KNG1: variants seen among roughly 807,000 people sequenced by gnomAD.
KNG1 encodes kininogen 1, also known as kininogen-1.
Under a neutral mutation model 47.8 loss-of-function variants are expected in KNG1, and 23 were observed. The ratio of observed to expected loss-of-function variants is 0.48; its 90% CI spans 0.35 to 0.68. The LOEUF is 0.68. Among genes scored for constraint, KNG1 ranks in the 30% least tolerant of loss-of-function variants. The probability of loss-of-function intolerance (pLI) is 0.01; values close to 1 mark genes in which losing one functional copy is unlikely to be tolerated. For synonymous variants in KNG1, 277 were observed against 277.0 expected (o/e 1.00, Z 0.00); for missense variants, 762 against 790.2 (o/e 0.96, Z 0.43).
chr3:186,717,786 A>T (rs1316406275), intron 1 of KNG1, 49 bp downstream of exon 1: 1 of 1,381,754 alleles, frequency 7.2e-7, no homozygotes, highest in South Asian at 1.2e-5. Flanking sequence ...TTGTACTATC[A>T]CTAGGAGTCC....
chr3:186,723,986 T>A (rs973158223), intron 3 of KNG1, among the ~76,000 whole-genome samples: 1 of 152,190 alleles, frequency 6.6e-6, no homozygotes, highest in Non-Finnish European at 1.5e-5. Flanking sequence ...CACCTTTTGA[T>A]GGACATTTAA....
Position 186,717,600 on chromosome 3 carries a change from G to A in KNG1, c.58G>A (p.Glu20Lys). 6.2e-7 allele frequency: 1 copy of A among 1,612,878 alleles called. No homozygotes were observed. The highest frequency in any genetic ancestry group is 8.5e-7 in the Non-Finnish European group (1 of 1,179,434). Residue 20 changes from glutamate to lysine, a missense_variant, in exon 1 of 10, where the codon GAA (glutamate) becomes AAA (lysine). Physicochemically the swap from Glu to Lys is moderately conservative, Grantham distance 56. Coordinates refer to ENST00000644859, the MANE Select transcript of KNG1 (RefSeq NM_001102416.3). ...CSRLLLSLTQESQSEEIDCND... is the reference protein window; with the variant it reads ...CSRLLLSLTQKSQSEEIDCND... Reference sequence around the variant, plus strand: ...CAGGCTGCTACTAAGTTTAACCCAGGAATCACAGTCCGAGGAAATTGACTG... The same window carrying A: ...CAGGCTGCTACTAAGTTTAACCCAGAAATCACAGTCCGAGGAAATTGACTG...
chr3:186,721,315 G>C (rs1170018022), intron 2 of KNG1: 2 of 152,408 alleles, frequency 1.3e-5, no homozygotes, highest in Non-Finnish European at 2.9e-5. Context: ...ATAAGTAGCT[G>C]CTGTGCTCTG....
Position 186,720,088 on chromosome 3 carries a change from C to G in KNG1, c.196-17C>G, listed in dbSNP as rs772775436. 6.4e-7 allele frequency: 1 copy of G among 1,554,588 alleles called. No individual in the cohort carries two copies. The highest frequency in any genetic ancestry group is 8.9e-7 in the Non-Finnish European group (1 of 1,125,678). On this transcript the variant is annotated splice_polypyrimidine_tract_variant and intron_variant, in intron 1 of 9. Coordinates refer to ENST00000644859, the MANE Select transcript of KNG1 (RefSeq NM_001102416.3). ...GGTCAGTTGGATGAACCCTAAGTATCTTTGGCTGCTTTTCAGGTTGGCTCT... is the reference window on the plus strand; with the variant it reads ...GGTCAGTTGGATGAACCCTAAGTATGTTTGGCTGCTTTTCAGGTTGGCTCT...
intron 7 of KNG1, among the ~76,000 whole-genome samples, chr3:186,733,608 C>T (rs1175478759): frequency 6.6e-6 from 1 of 152,212 alleles, no homozygotes; most frequent in East Asian, 1.9e-4. Flanking sequence ...CCAGATCACT[C>T]TGGGTGGTCA....
Position 186,742,276 on chromosome 3 carries a change from C to G in KNG1, c.1880C>G (p.Pro627Arg). Residue 627 changes from proline (P) to arginine (R), a missense_variant, in exon 10 of 10, where the codon CCA (proline) becomes CGA (arginine). Coordinates refer to ENST00000644859, the MANE Select transcript of KNG1 (RefSeq NM_001102416.3). ...RPWKSVSEIN[P>R]TTQMKESYYF... ...TGGAAGTCAGTTAGTGAAATTAATC[C>G]AACCACACAAATGAAAGAATCTTAT... The G allele has an allele frequency of 6.2e-7, 1 of 1,614,186 alleles. No individual in the cohort carries two copies. Among genetic ancestry groups the G allele is most frequent in the Non-Finnish European group, 8.5e-7 (1 of 1,180,030 alleles).
Position 186,727,236 on chromosome 3 carries a change from G to T in KNG1, c.565-1G>T. 4.4e-6 allele frequency: 7 copies of T among 1,599,698 alleles called. No homozygotes were observed. Among genetic ancestry groups the T allele is most frequent in the Non-Finnish European group, 6.0e-6 (7 of 1,166,898 alleles). ...AAATATTCAATCTGAAATTGTTTCA[G>T]GTGGTGGCTGGATTGAACTTTCGAA... On this transcript the variant is annotated splice_acceptor_variant, in intron 4 of 9. Coordinates refer to ENST00000644859, the MANE Select transcript of KNG1 (RefSeq NM_001102416.3). LOFTEE classifies it high-confidence loss of function.
chr3:186,737,318 T>G (rs1720694954), intron 7 of KNG1, among the ~76,000 whole-genome samples: 1 of 152,216 alleles, frequency 6.6e-6, no homozygotes, highest in South Asian at 2.1e-4. Flanking sequence ...CCATTTTTAG[T>G]GTTGGGCTTT....
Position 186,743,506 on chromosome 3 carries a change from A to T in KNG1, c.*1175A>T. ...TTTAAATAGCTACAATCATCTTTGG[A>T]TGTATATGTCACTGCTGCTTCAAGT... On this transcript the variant is annotated 3_prime_UTR_variant, in exon 10 of 10. Coordinates refer to ENST00000644859, the MANE Select transcript of KNG1 (RefSeq NM_001102416.3). 1 of 589,014 alleles carries T rather than the reference A, an allele frequency of 1.7e-6. No individual in the cohort carries two copies. The highest frequency in any genetic ancestry group is 2.0e-5 in the South Asian group (1 of 50,318). The allele number at this position is 589,014 out of a possible 1,614,324, so 36.5% of individuals were successfully genotyped here. A position where few individuals can be genotyped will look rare whatever the true frequency, so the allele number is the denominator to read the frequency against.
chr3:186,743,609 G>C lies in KNG1; in HGVS notation c.*1278G>C. 1.2e-6 allele frequency: 1 copy of C among 854,350 alleles called. No homozygotes were observed. Among genetic ancestry groups the C allele is most frequent in the Non-Finnish European group, 2.0e-6 (1 of 508,560 alleles). 52.9% of individuals were successfully genotyped at this position (854,350 alleles called of 1,614,324 possible). A position where few individuals can be genotyped will look rare whatever the true frequency, so the allele number is the denominator to read the frequency against. ...TTCTTTTAAATAAACAACCACAGAT[G>C]TCAGGAAAAAGTCTTACCTTGTCAA... is the stretch of plus-strand genomic sequence containing the variant. On this transcript the variant is annotated 3_prime_UTR_variant, in exon 10 of 10. Coordinates refer to ENST00000644859, the MANE Select transcript of KNG1 (RefSeq NM_001102416.3).
intron 2 of KNG1, 127 bp downstream of exon 2, chr3:186,720,342 T>C (rs1360332538): frequency 4.2e-6 from 3 of 715,362 alleles, no homozygotes; most frequent in Non-Finnish European, 7.6e-6. Flanking sequence ...CATTCCAATG[T>C]GTAGAAAAGT....
At chr3:186,735,290 C>G (rs1263511891) in intron 7 of KNG1, among the ~76,000 whole-genome samples, 1 of 151,962 alleles carries the variant, frequency 6.6e-6, no homozygotes, top group African/African-American at 2.4e-5. Flanking sequence ...GCGAGACCAG[C>G]TGGAGCAACA....
At chr3:186,740,800 G>A (rs1720789955) in intron 9 of KNG1, among the ~76,000 whole-genome samples, 2 of 152,164 alleles carry the variant, frequency 1.3e-5, no homozygotes, top group Admixed American at 6.5e-5. Context: ...GGCCTTTTAG[G>A]ATAAAAGCAG....
chr3:186,717,378 G>T lies in KNG1; in HGVS notation c.-165G>T. 3.1e-6 allele frequency: 2 copies of T among 643,948 alleles called. No individual in the cohort carries two copies. The highest frequency in any genetic ancestry group is 5.6e-6 in the Non-Finnish European group (2 of 359,992). The allele number at this position is 643,948 out of a possible 1,614,324, so 39.9% of individuals were successfully genotyped here. The stretch of plus-strand genomic sequence containing the variant: ...AGAGCCATTTAACCTTTGGGAACAA[G>T]GCAACTAGCGTCTGGCAGCAGGAAT... On this transcript the variant is annotated 5_prime_UTR_variant, in exon 1 of 10. It adds an upstream start codon to the 5' untranslated region. Transcript: ENST00000644859.
At chr3:186,720,578 C>T (rs1720162958) in intron 2 of KNG1, 1 of 321,594 alleles carries the variant, frequency 3.1e-6, no homozygotes, top group South Asian at 3.1e-5. Flanking sequence ...AATCTTGACT[C>T]TGCCTTCCAT....
In KNG1 at chr3:186,742,149, G is replaced by C; in HGVS notation, c.1753G>C (p.Asp585His). The C allele has an allele frequency of 6.2e-7, 1 of 1,614,158 alleles. No homozygotes were observed. Residue 585 changes from aspartate to histidine, a missense_variant, in exon 10 of 10, where the codon GAC (aspartate) becomes CAC (histidine). Physicochemically the swap from Asp to His is moderately conservative, Grantham distance 81. Coordinates refer to ENST00000644859, the MANE Select transcript of KNG1 (RefSeq NM_001102416.3). ...ATCACCAGCTCCCATACAGAGTGAT[G>C]ACGATTGGATCCCTGATATCCAGAT... ...PISPAPIQSD[D>H]DWIPDIQIDP...
chr3:186,736,116 C>T (rs1720665258), intron 7 of KNG1: 1 of 152,188 alleles, frequency 6.6e-6, no homozygotes, highest in Non-Finnish European at 1.5e-5. Context: ...TATGTGTCTA[C>T]ATTAAGGATG....
chr3:186,723,115 C>T (rs1044030212), intron 3 of KNG1, among the ~76,000 whole-genome samples: 1 of 134,686 alleles, frequency 7.4e-6, no homozygotes, highest in Non-Finnish European at 1.6e-5. Flanking sequence ...GTATTATCTT[C>T]TTTTTCTTTT....
rs71167003 is a variant in KNG1, at chr3:186,725,543, AT to A, written c.564+302del. Among the ~76,000 whole-genome samples, 180 of 87,718 alleles carry A rather than the reference AT, an allele frequency of 2.1e-3. 4 individuals carry two copies. The highest frequency in any genetic ancestry group is 9.4e-3 in the Middle Eastern group (1 of 106). The allele number at this position is 87,718 out of a possible 152,430, so 57.5% of individuals were successfully genotyped here. ...AAGGAAAAGTCATACCGGCCTTAGG[AT>A]TTTTTTTTTTTTTTTTTTGAGACAG... On this transcript the variant is annotated intron_variant, in intron 4 of 9. Coordinates refer to ENST00000644859, the MANE Select transcript of KNG1 (RefSeq NM_001102416.3).
Sources: allele counts gnomAD v4.1 joint callset (sites outside exome capture counted in the v4.1 genomes callset), GRCh38; gene constraint gnomAD v4.1.1; transcripts MANE v1.5; gene names NCBI Gene and HGNC (gene_info 2026-07-23, HGNC 2026-07-21).